The following COL23A1 variants were observed in gnomAD, a reference collection of about 807,000 sequenced individuals.
COL23A1 encodes collagen alpha-1(XXIII) chain.
Under a neutral mutation model 99.3 loss-of-function variants are expected in COL23A1, and 97 were observed. The ratio of observed to expected loss-of-function variants is 0.98; its 90% confidence interval spans 0.83 to 1.16. The LOEUF (loss-of-function observed/expected upper bound fraction) is 1.16. Among genes scored for constraint, COL23A1 ranks in the 50% most tolerant of loss-of-function variants. COL23A1 has a pLI of 0.00. For missense variants in COL23A1, 762 were observed against 757.4 expected (o/e 1.01, Z -0.07); for synonymous variants, 320 against 308.2 (o/e 1.04, Z -0.40).
chr5:178,461,976 G>T (rs571646832), intron 2 of COL23A1, among the ~76,000 whole-genome samples: 1 of 152,342 alleles, frequency 6.6e-6, no homozygotes, highest in East Asian at 1.9e-4. Flanking sequence ...GAAAGTTCCT[G>T]CCCAGGCAAT....
In COL23A1 at chr5:178,566,771, G is replaced by A. The variant is rs574436031; in HGVS notation, c.295-6023C>T. 3.9e-5 allele frequency among the ~76,000 whole-genome samples: 6 copies of A among 151,952 alleles called. No homozygotes were observed. The East Asian group carries it at 7.8e-4, about 20-fold the overall frequency. On this transcript the variant is annotated intron_variant, in intron 1 of 28. Coordinates refer to ENST00000390654, the MANE Select transcript of COL23A1 (RefSeq NM_173465.4). ...GCGAAGGTTGCAGTGAGCCAAGATC[G>A]TGCCACTGCACTCCAGCCTGGGCGA...
intron 2 of COL23A1, among the ~76,000 whole-genome samples, chr5:178,379,583 C>T (rs1763264450): frequency 1.3e-5 from 2 of 152,136 alleles, no homozygotes. Flanking sequence ...AAACCTAGAA[C>T]TATAAAAATG....
rs1756868778 is a variant in COL23A1 at position 178,281,017 on chromosome 5, G to A, written c.441+7307C>T. 6.6e-6 allele frequency among the ~76,000 whole-genome samples: 1 copy of A among 152,182 alleles called. No individual in the cohort carries two copies. The highest frequency in any genetic ancestry group is 2.4e-5 in the African/African-American group (1 of 41,448). Reference sequence around the variant, plus strand: ...CAAGAGGCTGGACTCAAGAGACTTAGGGCCCTGGGGAGAACGGCCAGCATG... The same window carrying A: ...CAAGAGGCTGGACTCAAGAGACTTAAGGCCCTGGGGAGAACGGCCAGCATG... On this transcript the variant is annotated intron_variant, in intron 5 of 28. Transcript: ENST00000390654. This position sits in a 1 kb window ranked among gnomAD's most constrained non-coding sequence, Gnocchi z 4.0.
chr5:178,247,678 C>A, intron 21 of COL23A1, 97 bp downstream of exon 21: 1 of 1,544,612 alleles, frequency 6.5e-7, no homozygotes, highest in African/African-American at 1.4e-5. Flanking sequence ...AACGAAGAAG[C>A]CCGCTCTCTC....
intron 2 of COL23A1, among the ~76,000 whole-genome samples, chr5:178,455,188 G>A (rs1256423161): frequency 1.3e-5 from 2 of 152,222 alleles, no homozygotes. Flanking sequence ...CTTTCCGGGG[G>A]GGACACAGTT....
intron 1 of COL23A1, among the ~76,000 whole-genome samples, chr5:178,582,527 G>A (rs1009461691): frequency 9.9e-5 from 15 of 152,130 alleles, no homozygotes; most frequent in Admixed American, 3.9e-4. Flanking sequence ...TCCACACTTC[G>A]CGAGGTCCTG....
intron 12 of COL23A1, among the ~76,000 whole-genome samples, chr5:178,258,236 A>AATATATATATATATATATAT (rs70994992): frequency 3.3e-4 from 24 of 71,936 alleles, no homozygotes; most frequent in African/African-American, 7.0e-4. Context: ...CCTGTCTTAA[A>AATATATATATATATATATAT]ATATATATAT....
chr5:178,419,362 C>A (rs1283063978), intron 2 of COL23A1, among the ~76,000 whole-genome samples: 1 of 152,184 alleles, frequency 6.6e-6, no homozygotes, highest in East Asian at 1.9e-4. Context: ...CCAAGGCGAG[C>A]CTCCACCCTT....
chr5:178,411,813 A>G (rs1455862849), intron 2 of COL23A1, among the ~76,000 whole-genome samples: 4 of 152,276 alleles, frequency 2.6e-5, no homozygotes, highest in Non-Finnish European at 5.9e-5. Context: ...ATACATAATT[A>G]AAGTCATTAA....
At chr5:178,488,601 C>G (rs1757757613) in intron 2 of COL23A1, among the ~76,000 whole-genome samples, 1 of 151,754 alleles carries the variant, frequency 6.6e-6, no homozygotes, top group Admixed American at 6.6e-5. Context: ...TCCCCAAACT[C>G]AGATTTGCAC....
At chr5:178,401,943 GT>G in intron 2 of COL23A1, among the ~76,000 whole-genome samples, 1 of 152,206 alleles carries the variant, frequency 6.6e-6, no homozygotes, top group African/African-American at 2.4e-5. Context: ...AGCCTCCCAA[GT>G]AGCTGGGATT....
chr5:178,467,828 T>C (rs1170454263), intron 2 of COL23A1, among the ~76,000 whole-genome samples: 1 of 152,106 alleles, frequency 6.6e-6, no homozygotes, highest in East Asian at 1.9e-4. Flanking sequence ...TAAAAATAAA[T>C]ACAAAGAAGG....
rs113058706 is a variant in COL23A1 at position 178,484,985 on chromosome 5, A to G, written c.361+75697T>C. ...CCAGTGCCTAGCAAAGTGGGCATCCAATAAATGTGGGTTGAACAGACAAAT... is the reference window on the plus strand; with the variant it reads ...CCAGTGCCTAGCAAAGTGGGCATCCGATAAATGTGGGTTGAACAGACAAAT... On this transcript the variant is annotated intron_variant, in intron 2 of 28. Transcript: ENST00000390654. Among the ~76,000 whole-genome samples the G allele has an allele frequency of 3.9e-3, 588 of 152,332 alleles. 6 individuals are homozygous for G. The highest frequency in any genetic ancestry group is 0.013 in the African/African-American group (553 of 41,570).
intron 8 of COL23A1, among the ~76,000 whole-genome samples, chr5:178,264,400 A>G (rs2127556231): frequency 6.6e-6 from 1 of 151,676 alleles, no homozygotes; most frequent in East Asian, 1.9e-4. Flanking sequence ...TAAATCCCCA[A>G]CTTTAGAACC....
intron 6 of COL23A1, among the ~76,000 whole-genome samples, chr5:178,269,740 C>T (rs1756175083): frequency 1.3e-5 from 2 of 150,806 alleles, no homozygotes; most frequent in South Asian, 4.2e-4. Flanking sequence ...CACCCACCTA[C>T]CCATCCACTA....
intron 6 of COL23A1, among the ~76,000 whole-genome samples, chr5:178,269,208 TA>T (rs148091074): frequency 2.2e-3 from 318 of 142,900 alleles, no homozygotes; most frequent in African/African-American, 4.6e-3. Context: ...TCTTATTTCT[TA>T]AAAAAAAAAA....
chr5:178,500,217 T>C lies in COL23A1; in HGVS notation c.361+60465A>G, dbSNP rs139277442. Among the ~76,000 whole-genome samples, 348 of 152,262 alleles carry C rather than the reference T, an allele frequency of 2.3e-3. 2 individuals are homozygous for C. Among genetic ancestry groups the C allele is most frequent in the African/African-American group, 7.5e-3 (311 of 41,546 alleles). ...AGTGATGGTTTCATGAGTGTATGTA[T>C]ACATATATGTCAAACTTACCAAACT... On this transcript the variant is annotated intron_variant, in intron 2 of 28. Transcript: ENST00000390654.
At chr5:178,561,996 C>T (rs1277236822) in intron 1 of COL23A1, 8 of 466,870 alleles carry the variant, frequency 1.7e-5, no homozygotes, top group Admixed American at 1.3e-4. Context: ...GCGCAGAGAG[C>T]GAAGCAGATC....
chr5:178,240,513 C>T (rs1764336794), intron 27 of COL23A1, among the ~76,000 whole-genome samples: 1 of 152,228 alleles, frequency 6.6e-6, no homozygotes, highest in African/African-American at 2.4e-5. Flanking sequence ...TGGTGCCCCT[C>T]TCCGGCCTCC....
Sources: allele counts gnomAD v4.1 joint callset (sites outside exome capture counted in the v4.1 genomes callset), GRCh38; gene constraint gnomAD v4.1.1; non-coding constraint Gnocchi (gnomAD v3.1); transcripts MANE v1.5; gene names NCBI Gene and HGNC (gene_info 2026-07-23, HGNC 2026-07-21).